The following AFAP1L1 variants were observed in gnomAD, a reference collection of about 807,000 sequenced individuals.
The protein encoded by AFAP1L1 is actin filament-associated protein 1-like 1.
In AFAP1L1, 77 loss-of-function variants were observed where a neutral mutation model predicts 99.8. The ratio of observed to expected loss-of-function variants is 0.77; its 90% CI spans 0.64 to 0.93. AFAP1L1 has a LOEUF of 0.93. AFAP1L1 is among the 40% of genes least tolerant of loss of function. AFAP1L1 has a pLI of 0.00. For synonymous variants in AFAP1L1, 373 were observed against 395.3 expected (o/e 0.94, Z 0.67); for missense variants, 893 against 996.8 (o/e 0.90, Z 1.40).
chr5:149,312,845 G>A (rs778952211), intron 9 of AFAP1L1, among the ~76,000 whole-genome samples: 7 of 151,346 alleles, frequency 4.6e-5, no homozygotes, highest in Non-Finnish European at 8.8e-5. Context: ...AGAAGGAGTA[G>A]GCCGGGCGCA....
chr5:149,325,626 A>G (rs1408369620), intron 15 of AFAP1L1, among the ~76,000 whole-genome samples: 1 of 152,244 alleles, frequency 6.6e-6, no homozygotes, highest in East Asian at 1.9e-4. Context: ...CACCCTGCTC[A>G]TAACAGGAAT....
intron 1 of AFAP1L1, among the ~76,000 whole-genome samples, chr5:149,279,539 C>A (rs1294368301): frequency 6.6e-6 from 1 of 151,694 alleles, no homozygotes; most frequent in African/African-American, 2.4e-5. Flanking sequence ...TATGAATTAT[C>A]TATGCTTAAG....
intron 15 of AFAP1L1, among the ~76,000 whole-genome samples, chr5:149,327,303 C>T (rs1757124324): frequency 6.6e-6 from 1 of 152,120 alleles, no homozygotes; most frequent in African/African-American, 2.4e-5. Context: ...TTGATAATAG[C>T]TCATTCCTCC....
At chr5:149,293,669 G>T (rs1228472646) in intron 1 of AFAP1L1, among the ~76,000 whole-genome samples, 2 of 152,178 alleles carry the variant, frequency 1.3e-5, no homozygotes, top group African/African-American at 4.8e-5. Flanking sequence ...CAATACTGTG[G>T]AGTCTCCATA....
chr5:149,303,425 C>T (rs899230701), intron 5 of AFAP1L1, among the ~76,000 whole-genome samples: 7 of 152,110 alleles, frequency 4.6e-5, no homozygotes, highest in Admixed American at 1.3e-4. Flanking sequence ...AAGGACTTAA[C>T]GTTACATATA....
rs1317817133 is a variant in AFAP1L1, at chr5:149,271,874, C to T, written c.-95C>T. Reference sequence around the variant, plus strand: ...AGGGGACCGCAGAGAGCGCCGGCCGCTGGGCTGGCCTGAGAGCGCAGCGCG... The same window carrying T: ...AGGGGACCGCAGAGAGCGCCGGCCGTTGGGCTGGCCTGAGAGCGCAGCGCG... On this transcript the variant is annotated 5_prime_UTR_variant, in exon 1 of 19. Transcript: ENST00000296721. 2.0e-6 allele frequency: 2 copies of T among 999,538 alleles called. No homozygotes were observed. The highest frequency in any genetic ancestry group is 4.9e-5 in the South Asian group (1 of 20,460). 61.9% of individuals were successfully genotyped at this position (999,538 alleles called of 1,614,324 possible).
At chr5:149,301,418 G>GT (rs1044073553) in intron 4 of AFAP1L1, among the ~76,000 whole-genome samples, 188 bp downstream of exon 4, 4 of 151,972 alleles carry the variant, frequency 2.6e-5, no homozygotes, top group Admixed American at 6.6e-5. Flanking sequence ...CTCGCTGTGT[G>GT]TTTTTTTTCT....
Position 149,307,651 on chromosome 5 carries a change from A to T in AFAP1L1, c.747+38A>T, listed in dbSNP as rs781118180. 4.4e-6 allele frequency: 7 copies of T among 1,595,672 alleles called. No individual in the cohort carries two copies. In the South Asian group the frequency reaches 7.8e-5, roughly 18 times the overall value. On this transcript the variant is annotated intron_variant, in intron 7 of 18. Coordinates refer to ENST00000296721, the MANE Select transcript of AFAP1L1 (RefSeq NM_152406.4). ...CAGCAGCCATGTGCCTCGGCCTCACATGGACTTGCATGTGGGTGTGTCTCT... is the reference window on the plus strand; with the variant it reads ...CAGCAGCCATGTGCCTCGGCCTCACTTGGACTTGCATGTGGGTGTGTCTCT...
intron 1 of AFAP1L1, 78 bp downstream of exon 1, chr5:149,272,062 G>A: frequency 2.5e-6 from 3 of 1,207,724 alleles, no homozygotes; most frequent in Non-Finnish European, 3.1e-6. Flanking sequence ...AGCCGGAGAG[G>A]AGGAGGGAGA....
intron 7 of AFAP1L1, among the ~76,000 whole-genome samples, chr5:149,308,063 C>T (rs1407233625): frequency 6.6e-6 from 1 of 151,854 alleles, no homozygotes; most frequent in African/African-American, 2.4e-5. Flanking sequence ...TCAGGAGAAT[C>T]GCTTGAAACC....
chr5:149,296,360 C>T (rs1030022678), intron 1 of AFAP1L1, among the ~76,000 whole-genome samples: 1 of 152,186 alleles, frequency 6.6e-6, no homozygotes, highest in East Asian at 1.9e-4. Flanking sequence ...TATAAAAAGA[C>T]CCTGATACCA....
At chr5:149,276,589 G>T (rs1755334344) in intron 1 of AFAP1L1, 1 of 152,160 alleles carries the variant, frequency 6.6e-6, no homozygotes, top group African/African-American at 2.4e-5. Context: ...CCTACTTCTT[G>T]GATTTGTTAT....
intron 1 of AFAP1L1, among the ~76,000 whole-genome samples, chr5:149,284,627 G>A (rs115512500): frequency 0.047 from 7,232 of 152,338 alleles, 201 homozygotes; most frequent in Middle Eastern, 0.082. Flanking sequence ...TTACGGAGAC[G>A]TTGGAGATAA....
chr5:149,288,912 G>A (rs1755765513), intron 1 of AFAP1L1, among the ~76,000 whole-genome samples: 1 of 152,168 alleles, frequency 6.6e-6, no homozygotes, highest in African/African-American at 2.4e-5. Context: ...CCCTGAGCCT[G>A]TCACCCTAGC....
Position 149,308,974 on chromosome 5 carries a change from A to G in AFAP1L1, c.748-982A>G, listed in dbSNP as rs1459525497. Among the ~76,000 whole-genome samples the G allele has an allele frequency of 2.0e-5, 3 of 152,044 alleles. No homozygotes were observed. The East Asian group carries it at 5.8e-4, about 29-fold the overall frequency. On this transcript the variant is annotated intron_variant, in intron 7 of 18. Coordinates refer to ENST00000296721, the MANE Select transcript of AFAP1L1 (RefSeq NM_152406.4). ...CAATGTTTTTTAATTAGCCAGGCAT[A>G]GTGGTATGCACCTGTAGTCCCAGCT...
chr5:149,307,480 G>A lies in AFAP1L1; in HGVS notation c.614G>A (p.Arg205Gln), dbSNP rs766887140. The A allele has an allele frequency of 1.6e-4, 265 of 1,614,026 alleles. 2 individuals are homozygous for A. The East Asian group carries it at 4.9e-3, about 30-fold the overall frequency. ...GAGGAAGGGAAGAGCCCGCAGCCCC[G>A]ACACCAGTGGCCCTCAGAGGAGGCC... is the stretch of plus-strand genomic sequence containing the variant. The part of the protein sequence containing the change: ...EEEEGKSPQP[R>Q]HQWPSEEASM... Residue 205 changes from arginine (R) to glutamine (Q), a missense_variant, in exon 7 of 19, where the codon CGA becomes CAA. By Grantham distance (43) the Arg-to-Gln change is conservative (BLOSUM62 1). Coordinates refer to ENST00000296721, the MANE Select transcript of AFAP1L1 (RefSeq NM_152406.4).
rs1756451246 is a variant in AFAP1L1 at position 149,307,409 on chromosome 5, C to T, written c.543C>T (p.Asp181=). 2 of 1,613,970 alleles carry T rather than the reference C, an allele frequency of 1.2e-6. No individual in the cohort carries two copies. Among genetic ancestry groups the T allele is most frequent in the Non-Finnish European group, 1.7e-6 (2 of 1,180,026 alleles). The change falls in exon 7 of 19, where the codon GAC becomes GAT. Residue 181 remains aspartate (D), a synonymous_variant. Coordinates refer to ENST00000296721, the MANE Select transcript of AFAP1L1 (RefSeq NM_152406.4). ...VNGELKSSYN[D]SDAMSSSYES... ...TTCCCGTGACGCCTGCAGATAATGA[C>T]TCTGACGCAATGAGCAGCTCCTATG...
At chr5:149,283,340 A>G (rs1755577155) in intron 1 of AFAP1L1, among the ~76,000 whole-genome samples, 1 of 152,204 alleles carries the variant, frequency 6.6e-6, no homozygotes, top group African/African-American at 2.4e-5. Context: ...ACCTAGGTTC[A>G]GTGGTGGGAC....
intron 1 of AFAP1L1, among the ~76,000 whole-genome samples, chr5:149,281,898 C>T (rs1014720825): frequency 1.3e-5 from 2 of 152,256 alleles, no homozygotes; most frequent in South Asian, 2.1e-4. Flanking sequence ...CATCCTTTAT[C>T]GATGAGGGGG....
Sources: gnomAD v4.1 joint callset for allele counts (sites outside exome capture counted in the v4.1 genomes callset) on GRCh38, gnomAD v4.1.1 for gene constraint, MANE v1.5 for transcripts, NCBI Gene and HGNC (gene_info 2026-07-23, HGNC 2026-07-21) for gene names.